COL4A3: variants seen among roughly 807,000 people sequenced by gnomAD.
COL4A3 encodes the protein collagen type IV alpha 3 chain, also known as collagen alpha-3(IV) chain.
A neutral mutation model predicts 217.4 loss-of-function variants in COL4A3; 135 were observed. That is an observed-to-expected ratio of 0.62 (90% CI 0.54 to 0.72). COL4A3 has a LOEUF of 0.72. Among genes scored for constraint, COL4A3 ranks in the 30% least tolerant of loss-of-function variants. The probability of loss-of-function intolerance (pLI) is 0.00; values close to 1 mark genes in which losing one functional copy is unlikely to be tolerated. For synonymous variants in COL4A3, 690 were observed against 736.3 expected, an observed-to-expected ratio of 0.94 and a Z score of 1.02; for missense variants, 1,868 against 2,119.9, an observed-to-expected ratio of 0.88 and a Z score of 2.33.
chr2:227,210,883 A>C (rs1283275267), intron 1 of COL4A3, among the ~76,000 whole-genome samples: 4 of 129,000 alleles, frequency 3.1e-5, no homozygotes, highest in Non-Finnish European at 6.5e-5. Context: ...TTTGGGGGGA[A>C]CTCTATATAA....
chr2:227,267,111 T>C (rs1574737709), intron 23 of COL4A3, 23 bp downstream of exon 23: 8 of 1,564,232 alleles, frequency 5.1e-6, no homozygotes, highest in Non-Finnish European at 7.1e-6. Context: ...TGCATGCAAG[T>C]GTTTTTGCAA....
intron 1 of COL4A3, among the ~76,000 whole-genome samples, chr2:227,215,649 G>T (rs2067500776): frequency 6.6e-6 from 1 of 152,048 alleles, no homozygotes; most frequent in African/African-American, 2.4e-5. Flanking sequence ...AGTAGAGATG[G>T]GGTTTCACCA....
chr2:227,229,959 G>A (rs1456141618), intron 1 of COL4A3, among the ~76,000 whole-genome samples: 2 of 151,638 alleles, frequency 1.3e-5, no homozygotes, highest in Admixed American at 6.6e-5. Context: ...ACTGAGGCAG[G>A]AGAATGGCGT....
In COL4A3 at chr2:227,256,353, G is replaced by T. The variant is rs1287109722; in HGVS notation, c.944G>T (p.Gly315Val). Residue 315 changes from glycine (G) to valine (V), a missense_variant, in exon 17 of 52, where the codon GGC becomes GTC. By Grantham distance (109) the Gly-to-Val change is moderately radical. This residue lies in a region of COL4A3 where 1,503 missense variants were observed against 1,786.1 expected (regional missense o/e 0.84). Transcript: ENST00000396578. The part of the protein sequence containing the change: ...PGFPGSEGVK[G>V]NRGFPGLMGE... The stretch of plus-strand genomic sequence containing the variant: ...TGTTCTTTTCTTTAGGGAGTCAAGG[G>T]CAACAGGGGTTTCCCTGGGTTAATG... The T allele has an allele frequency of 6.2e-7, 1 of 1,613,548 alleles. No homozygotes were observed. The highest frequency in any genetic ancestry group is 1.7e-5 in the Admixed American group (1 of 60,002).
intron 20 of COL4A3, among the ~76,000 whole-genome samples, chr2:227,261,942 T>C (rs551059607): frequency 1.3e-5 from 2 of 152,352 alleles, no homozygotes; most frequent in South Asian, 2.1e-4. Flanking sequence ...ATAACTGTAG[T>C]GTGTTCTTTT....
chr2:227,188,884 C>A (rs1469096910), intron 1 of COL4A3, among the ~76,000 whole-genome samples: 1 of 152,086 alleles, frequency 6.6e-6, no homozygotes, highest in African/African-American at 2.4e-5. Context: ...GAGTTATGGA[C>A]CAAGAAATGG....
At chr2:227,184,471 G>A (rs2065952426) in intron 1 of COL4A3, among the ~76,000 whole-genome samples, 1 of 152,178 alleles carries the variant, frequency 6.6e-6, no homozygotes, top group Non-Finnish European at 1.5e-5. Context: ...CTTGGTTTCA[G>A]CTTCTGCCTT....
chr2:227,170,233 A>AT (rs1480594743), intron 1 of COL4A3, among the ~76,000 whole-genome samples: 2 of 152,050 alleles, frequency 1.3e-5, no homozygotes, highest in Non-Finnish European at 2.9e-5. Flanking sequence ...ATACTCTTAG[A>AT]TTTTTTTATG....
Position 227,276,446 on chromosome 2 carries a change from C to T in COL4A3, c.1989C>T (p.Pro663=). ...PVPGPPGPPG[P]PGHPGPQGPP... Reference sequence around the variant, plus strand: ...CAGGCCCACCAGGACCTCCAGGGCCCCCTGGCCATCCTGGCCCCCAAGGTC... The same window carrying T: ...CAGGCCCACCAGGACCTCCAGGGCCTCCTGGCCATCCTGGCCCCCAAGGTC... Residue 663 remains proline, a synonymous_variant, in exon 27 of 52, where the codon CCC becomes CCT. Transcript: ENST00000396578. 4 of 1,614,190 alleles carry T rather than the reference C, an allele frequency of 2.5e-6. No individual in the cohort carries two copies. Among genetic ancestry groups the T allele is most frequent in the Non-Finnish European group, 3.4e-6 (4 of 1,180,014 alleles).
At chr2:227,276,354 C>A in intron 26 of COL4A3, 31 bp from the exon 27 acceptor site, 8 of 1,496,730 alleles carry the variant, frequency 5.3e-6, no homozygotes, top group Non-Finnish European at 7.5e-6. Flanking sequence ...TCAATATATA[C>A]CCCAATCTTA....
chr2:227,289,944 A>G, intron 35 of COL4A3, 55 bp from the exon 36 acceptor site: 1 of 1,546,552 alleles, frequency 6.5e-7, no homozygotes, highest in Admixed American at 1.7e-5. Context: ...TATTTATTAA[A>G]CACATACTAT....
At chr2:227,246,790 T>C in intron 7 of COL4A3, 52 bp downstream of exon 7, 1 of 1,463,408 alleles carries the variant, frequency 6.8e-7, no homozygotes, top group Non-Finnish European at 9.6e-7. Context: ...TAAATAACAG[T>C]GGTCTACTCC....
chr2:227,218,490 T>C (rs571161748), intron 1 of COL4A3, among the ~76,000 whole-genome samples: 2 of 152,064 alleles, frequency 1.3e-5, no homozygotes, highest in South Asian at 4.2e-4. Flanking sequence ...AAAAATGTCG[T>C]GTGAAAATAC....
At chr2:227,287,790 C>CTA (rs1410293015) in intron 34 of COL4A3, among the ~76,000 whole-genome samples, 2 of 152,144 alleles carry the variant, frequency 1.3e-5, no homozygotes, top group African/African-American at 4.8e-5. Flanking sequence ...GTGCCCAACT[C>CTA]TAGTATAGAG....
chr2:227,165,869 C>T (rs2065247580), intron 1 of COL4A3, among the ~76,000 whole-genome samples: 1 of 152,302 alleles, frequency 6.6e-6, no homozygotes, highest in African/African-American at 2.4e-5. Flanking sequence ...TCTGACACCC[C>T]CCATACCTCT....
intron 43 of COL4A3, among the ~76,000 whole-genome samples, chr2:227,300,677 G>C (rs985758237): frequency 3.9e-5 from 6 of 152,168 alleles, no homozygotes; most frequent in African/African-American, 1.4e-4. Context: ...CCCTAGAGGA[G>C]CCCACAATAA....
At chr2:227,255,038 A>G (rs1423308068) in intron 15 of COL4A3, among the ~76,000 whole-genome samples, 4 of 152,226 alleles carry the variant, frequency 2.6e-5, no homozygotes, top group African/African-American at 4.8e-5. Context: ...GCTACCCTGC[A>G]GCAGACAACT....
chr2:227,173,142 A>G (rs1335572081), intron 1 of COL4A3, among the ~76,000 whole-genome samples: 7 of 152,344 alleles, frequency 4.6e-5, no homozygotes, highest in Admixed American at 4.6e-4. Context: ...CTACTAAATG[A>G]AGCAAAGGAA....
chr2:227,208,791 CACACACACACACACATATAT>C (rs71036164), intron 1 of COL4A3, among the ~76,000 whole-genome samples: 11,189 of 149,702 alleles, frequency 0.075, 604 homozygotes, highest in Admixed American at 0.12. Context: ...CACACACACA[CACACACACACACACATATAT>C]ACAGAAGGAG....
Sources: gnomAD v4.1 joint callset for allele counts (sites outside exome capture counted in the v4.1 genomes callset) on GRCh38, gnomAD v4.1.1 for gene constraint, gnomAD v4.1.1 regional missense constraint, MANE v1.5 for transcripts, NCBI Gene and HGNC (gene_info 2026-07-23, HGNC 2026-07-21) for gene names.